Variants in DCDC2C observed in about 807,000 individuals in gnomAD.
DCDC2C encodes doublecortin domain-containing protein 2C.
DCDC2C carries 44 observed loss-of-function variants against 45.0 expected under a neutral mutation model. That is an observed-to-expected ratio of 0.98 (90% CI 0.77 to 1.26). The LOEUF (loss-of-function observed/expected upper bound fraction) is 1.26. DCDC2C is among the 50% of genes most tolerant of loss of function. The pLI is 0.00. For synonymous variants in DCDC2C, 187 were observed against 178.8 expected (o/e 1.05, Z -0.37); for missense variants, 447 against 468.9 (o/e 0.95, Z 0.43).
chr2:3,730,546 GAGCCCCCTGCTTCTAGTGAGCAAAGGC>G lies in DCDC2C; in HGVS notation c.416+3475_416+3501del, dbSNP rs1023240957. Among the ~76,000 whole-genome samples the G allele has an allele frequency of 1.6e-4, 25 of 152,210 alleles. 1 individual carries two copies. The highest frequency in any genetic ancestry group is 4.2e-4 in the South Asian group (2 of 4,812). On this transcript the variant is annotated intron_variant, in intron 3 of 10. Transcript: ENST00000399143. ...TAAGGAAAGGACCAGGGGAAGAAGAGAGCCCCCTGCTTCTAGTGAGCAAAGGCAGCCCCCGCCCCCCGAGCTTCCACA... is the reference window on the plus strand; with the variant it reads ...TAAGGAAAGGACCAGGGGAAGAAGAGAGCCCCCGCCCCCCGAGCTTCCACA...
intron 10 of DCDC2C, among the ~76,000 whole-genome samples, chr2:3,799,976 G>A (rs914211937): frequency 9.9e-5 from 15 of 152,196 alleles, no homozygotes; most frequent in African/African-American, 3.1e-4. Flanking sequence ...CCTCGCTGCT[G>A]CCTTGCAGTT....
At chr2:3,747,977 G>A (rs905335564) in intron 4 of DCDC2C, among the ~76,000 whole-genome samples, 2 of 152,194 alleles carry the variant, frequency 1.3e-5, no homozygotes, top group East Asian at 3.9e-4. Flanking sequence ...GCACAGAGAA[G>A]TAAAACACAT....
At chr2:3,711,281 C>T (rs901621480) in intron 2 of DCDC2C, among the ~76,000 whole-genome samples, 4 of 152,114 alleles carry the variant, frequency 2.6e-5, no homozygotes, top group African/African-American at 9.7e-5. Flanking sequence ...CCCAGCAATG[C>T]CGTTACTGGG....
intron 9 of DCDC2C, among the ~76,000 whole-genome samples, chr2:3,784,206 A>G (rs976912412): frequency 1.3e-5 from 2 of 152,226 alleles, no homozygotes; most frequent in Non-Finnish European, 2.9e-5. Context: ...CCTCTTGCAG[A>G]TAATTGAATG....
At chr2:3,845,387 C>T (rs762596290) in intron 10 of DCDC2C, among the ~76,000 whole-genome samples, 4 of 152,140 alleles carry the variant, frequency 2.6e-5, no homozygotes, top group African/African-American at 4.8e-5. Flanking sequence ...AGCTTCTTGA[C>T]GGTTAGCACA....
intron 4 of DCDC2C, among the ~76,000 whole-genome samples, chr2:3,747,727 TTTA>T (rs1170294517): frequency 2.0e-5 from 3 of 152,176 alleles, no homozygotes; most frequent in African/African-American, 7.2e-5. Flanking sequence ...TCAACAAATA[TTTA>T]TTGAGAGCTT....
chr2:3,741,698 C>CCCTG (rs1160807768), intron 3 of DCDC2C, among the ~76,000 whole-genome samples: 2 of 151,820 alleles, frequency 1.3e-5, no homozygotes, highest in African/African-American at 4.9e-5. Flanking sequence ...CACACATACA[C>CCCTG]ACACACACAT....
intron 3 of DCDC2C, among the ~76,000 whole-genome samples, chr2:3,738,582 T>C (rs138705136): frequency 1.8e-3 from 254 of 141,264 alleles, no homozygotes; most frequent in African/African-American, 6.4e-3. Flanking sequence ...CCTCCCAGCT[T>C]ATATCACTAG....
intron 10 of DCDC2C, among the ~76,000 whole-genome samples, chr2:3,787,612 C>T (rs142889006): frequency 6.6e-6 from 1 of 152,278 alleles, no homozygotes; most frequent in South Asian, 2.1e-4. Context: ...CCTTTGATAC[C>T]TCACACTAGT....
intron 3 of DCDC2C, among the ~76,000 whole-genome samples, chr2:3,738,614 G>A (rs1444392088): frequency 6.8e-6 from 1 of 148,048 alleles, no homozygotes; most frequent in Non-Finnish European, 1.5e-5. Flanking sequence ...TTCCCCCAGA[G>A]GGAGCCAGCG....
intron 2 of DCDC2C, among the ~76,000 whole-genome samples, chr2:3,724,667 G>A (rs1224531391): frequency 6.6e-6 from 1 of 152,290 alleles, no homozygotes; most frequent in Non-Finnish European, 1.5e-5. Flanking sequence ...GTGGTTTTGT[G>A]TGTGTTGTGA....
chr2:3,804,621 T>G lies in DCDC2C; in HGVS notation c.1065+19521T>G, dbSNP rs73910382. On this transcript the variant is annotated intron_variant, in intron 10 of 10. Coordinates refer to ENST00000399143, the MANE Select transcript of DCDC2C (RefSeq NM_001287444.2). ...GATAATCAAAAGTAAGCATTTTGAT[T>G]TAAAAAGATCTCATTTCCTTTATCC... Among the ~76,000 whole-genome samples the G allele has an allele frequency of 3.4e-3, 524 of 152,374 alleles. 9 individuals carry two copies. The highest frequency in any genetic ancestry group is 0.012 in the African/African-American group (502 of 41,574).
chr2:3,819,249 G>A (rs1407044088), intron 10 of DCDC2C, among the ~76,000 whole-genome samples: 1 of 152,226 alleles, frequency 6.6e-6, no homozygotes, highest in African/African-American at 2.4e-5. Context: ...TGGCTGCCAG[G>A]CGAGTTGGAC....
At chr2:3,820,345 C>A (rs112112655) in intron 10 of DCDC2C, among the ~76,000 whole-genome samples, 15,209 of 152,058 alleles carry the variant, frequency 0.1, 1,026 homozygotes, top group East Asian at 0.29. Flanking sequence ...AGAACACAGG[C>A]TAAGGGAGAA....
At chr2:3,793,545 A>G (rs1299446432) in intron 10 of DCDC2C, among the ~76,000 whole-genome samples, 1 of 152,250 alleles carries the variant, frequency 6.6e-6, no homozygotes, top group Non-Finnish European at 1.5e-5. Flanking sequence ...TGAGCCAGAA[A>G]CACCACTGGA....
intron 2 of DCDC2C, among the ~76,000 whole-genome samples, 188 bp downstream of exon 2, chr2:3,708,788 C>T (rs1020394532): frequency 4.6e-5 from 7 of 152,160 alleles, no homozygotes. Flanking sequence ...AACCAAGTGG[C>T]GGAAGGCAGT....
At chr2:3,785,297 C>A (rs75395690) in intron 10 of DCDC2C, among the ~76,000 whole-genome samples, 197 bp downstream of exon 10, 3,185 of 152,266 alleles carry the variant, frequency 0.021, 50 homozygotes, top group Non-Finnish European at 0.033. Flanking sequence ...CACGGCCTTT[C>A]ACATGGGTGG....
chr2:3,732,833 C>T (rs1011062662), intron 3 of DCDC2C, among the ~76,000 whole-genome samples: 4 of 152,012 alleles, frequency 2.6e-5, no homozygotes, highest in Non-Finnish European at 5.9e-5. Flanking sequence ...CAGATAACAC[C>T]CATGGCCATA....
chr2:3,728,639 A>G (rs1668768910), intron 3 of DCDC2C, among the ~76,000 whole-genome samples: 1 of 152,204 alleles, frequency 6.6e-6, no homozygotes, highest in Non-Finnish European at 1.5e-5. Context: ...GATGGACCCA[A>G]ATATCCATGT....
Sources: gnomAD v4.1 joint callset for allele counts (sites outside exome capture counted in the v4.1 genomes callset) on GRCh38, gnomAD v4.1.1 for gene constraint, MANE v1.5 for transcripts, NCBI Gene and HGNC (gene_info 2026-07-23, HGNC 2026-07-21) for gene names.